The following SYN3 variants were observed in gnomAD, a reference collection of about 807,000 sequenced individuals.
SYN3 encodes the protein synapsin III, also known as synapsin-3.
A neutral mutation model predicts 65.8 loss-of-function variants in SYN3; 35 were observed. That is an observed-to-expected ratio of 0.53 (90% CI 0.41 to 0.70). The LOEUF (loss-of-function observed/expected upper bound fraction) is 0.70. Ranked by LOEUF, SYN3 falls within the 30% of genes least tolerant of loss-of-function variation. The probability of loss-of-function intolerance (pLI) is 0.00; values close to 1 mark genes in which losing one functional copy is unlikely to be tolerated. For missense variants in SYN3, 680 were observed against 749.0 expected, an observed-to-expected ratio of 0.91 and a Z score of 1.08; for synonymous variants, 270 against 292.9, an observed-to-expected ratio of 0.92 and a Z score of 0.80.
intron 6 of SYN3, among the ~76,000 whole-genome samples, chr22:32,649,116 T>A (rs964360679): frequency 2.0e-5 from 3 of 152,228 alleles, no homozygotes; most frequent in African/African-American, 7.2e-5. Flanking sequence ...ACTTCCCCTA[T>A]CCCTAATTCT....
At chr22:32,753,230 G>A (rs1299958329) in intron 6 of SYN3, among the ~76,000 whole-genome samples, 1 of 152,152 alleles carries the variant, frequency 6.6e-6, no homozygotes, top group East Asian at 1.9e-4. Context: ...AAGGTCAAAG[G>A]TCACGGGTCC....
At chr22:32,792,072 A>C (rs2046335032) in intron 6 of SYN3, among the ~76,000 whole-genome samples, 1 of 152,138 alleles carries the variant, frequency 6.6e-6, no homozygotes, top group South Asian at 2.1e-4. Context: ...CCTCAGTGAG[A>C]ATTTACTATG....
intron 6 of SYN3, among the ~76,000 whole-genome samples, chr22:32,698,106 TG>T (rs1181054493): frequency 6.6e-6 from 1 of 152,190 alleles, no homozygotes; most frequent in Non-Finnish European, 1.5e-5. Context: ...TGTAGAGGTT[TG>T]GGGGTTGTTG....
At chr22:32,923,619 T>C (rs2146650014) in intron 4 of SYN3, among the ~76,000 whole-genome samples, 1 of 152,366 alleles carries the variant, frequency 6.6e-6, no homozygotes, top group South Asian at 2.1e-4. Flanking sequence ...ATTCCTATTT[T>C]GGGAGACCAT....
intron 6 of SYN3, chr22:32,859,160 T>A (rs1340521201): frequency 6.2e-7 from 1 of 1,614,152 alleles, no homozygotes; most frequent in Non-Finnish European, 8.5e-7. Flanking sequence ...CATCAACTGC[T>A]GCCTGTTATC....
intron 3 of SYN3, among the ~76,000 whole-genome samples, chr22:32,957,197 G>A (rs1195753428): frequency 2.0e-5 from 3 of 152,162 alleles, no homozygotes; most frequent in Admixed American, 1.3e-4. Context: ...AGAAGCACGA[G>A]GGCTCCAAGA....
chr22:32,973,837 G>T (rs1048028072), intron 3 of SYN3, among the ~76,000 whole-genome samples: 1 of 152,122 alleles, frequency 6.6e-6, no homozygotes, highest in Non-Finnish European at 1.5e-5. Context: ...TGCTCTTGTC[G>T]CACCCAGGCT....
chr22:32,572,977 A>G (rs1167964751), intron 7 of SYN3, among the ~76,000 whole-genome samples: 2 of 152,250 alleles, frequency 1.3e-5, no homozygotes, highest in African/African-American at 4.8e-5. Context: ...GGTGTCCCGG[A>G]GCTGGCTCAG....
chr22:32,786,486 C>T (rs1429998089), intron 6 of SYN3, among the ~76,000 whole-genome samples: 3 of 152,066 alleles, frequency 2.0e-5, no homozygotes, highest in African/African-American at 7.2e-5. Context: ...CCCCAGCCTC[C>T]CAAGTAGCTG....
chr22:32,978,436 A>G (rs930892285), intron 3 of SYN3, among the ~76,000 whole-genome samples: 8 of 152,060 alleles, frequency 5.3e-5, no homozygotes, highest in South Asian at 2.1e-4. Context: ...GATGTGTCCT[A>G]TTTTGGAGAA....
intron 6 of SYN3, among the ~76,000 whole-genome samples, chr22:32,785,440 CCTT>C (rs1264895689): frequency 6.6e-6 from 1 of 152,152 alleles, no homozygotes; most frequent in Admixed American, 6.5e-5. Flanking sequence ...ACCTCAGTCT[CCTT>C]CTCTGTAAGA....
In SYN3 at chr22:32,859,512, G is replaced by A. The variant is rs1054464833; in HGVS notation, c.711+5403C>T. On this transcript the variant is annotated intron_variant, in intron 6 of 13. Coordinates refer to ENST00000358763, the MANE Select transcript of SYN3 (RefSeq NM_003490.4). The stretch of plus-strand genomic sequence containing the variant: ...TTAGCACTTGGAACATTTAAAGAAA[G>A]GTCTATGCTGTCATATGGGGTTTAT... 35 of 1,141,864 alleles carry A rather than the reference G, an allele frequency of 3.1e-5. No individual in the cohort carries two copies. The East Asian group carries it at 3.8e-4, about 13-fold the overall frequency. 70.7% of individuals were successfully genotyped at this position (1,141,864 alleles called of 1,614,324 possible).
rs78237338 is a variant in SYN3, at chr22:33,022,170, T to G, written c.-162-15346A>C. 3.9e-3 allele frequency among the ~76,000 whole-genome samples: 594 copies of G among 152,300 alleles called. 6 individuals carry two copies. Among genetic ancestry groups the G allele is most frequent in the African/African-American group, 0.014 (571 of 41,552 alleles). On this transcript the variant is annotated intron_variant, in intron 1 of 13. Coordinates refer to ENST00000358763, the MANE Select transcript of SYN3 (RefSeq NM_003490.4). Reference sequence around the variant, plus strand: ...TCCACTCGATGAGGGCTAAAACAATTTTTTTCCTTCCCTATTAGGAATCAG... The same window carrying G: ...TCCACTCGATGAGGGCTAAAACAATGTTTTTCCTTCCCTATTAGGAATCAG...
At chr22:32,721,692 A>G (rs2061120780) in intron 6 of SYN3, among the ~76,000 whole-genome samples, 1 of 152,240 alleles carries the variant, frequency 6.6e-6, no homozygotes, top group Admixed American at 6.5e-5. Context: ...TAGCTGTGAA[A>G]ACATGCACTT....
At chr22:32,664,584 CTTTTTTTTTTTTTTTT>C (rs71320943) in intron 6 of SYN3, among the ~76,000 whole-genome samples, 1 of 69,052 alleles carries the variant, frequency 1.4e-5, no homozygotes, top group Non-Finnish European at 2.6e-5. Flanking sequence ...CAATTGGTCG[CTTTTTTTTTTTTTTTT>C]TTTTTTTTTT....
intron 1 of SYN3, among the ~76,000 whole-genome samples, chr22:33,021,176 G>C (rs1307487413): frequency 1.3e-5 from 2 of 152,150 alleles, no homozygotes; most frequent in Non-Finnish European, 2.9e-5. Context: ...TCTGCCTCTT[G>C]CAGCTCAGTG....
At chr22:32,832,672 A>G (rs1234391056) in intron 6 of SYN3, among the ~76,000 whole-genome samples, 1 of 149,810 alleles carries the variant, frequency 6.7e-6, no homozygotes, top group African/African-American at 2.5e-5. Flanking sequence ...AAAACCCTCG[A>G]GTATTTTATT....
rs564102845 is a variant in SYN3, at chr22:32,532,276, A to G, written c.1095+1517T>C. Among the ~76,000 whole-genome samples, 3 of 152,420 alleles carry G rather than the reference A, an allele frequency of 2.0e-5. No individual in the cohort carries two copies. The South Asian group carries it at 6.2e-4, about 32-fold the overall frequency. On this transcript the variant is annotated intron_variant, in intron 10 of 13. Transcript: ENST00000358763. The stretch of plus-strand genomic sequence containing the variant: ...GGTCCCCGTGAGGGGATGCAGAGGC[A>G]GGAGGACCTGGTGGGGTCTCAGGAG...
chr22:32,993,359 GTTTT>G (rs1048453864), intron 2 of SYN3, among the ~76,000 whole-genome samples: 5 of 152,212 alleles, frequency 3.3e-5, no homozygotes, highest in African/African-American at 1.2e-4. Context: ...TTGTTTGTTT[GTTTT>G]GTTTTGTTTT....
Sources: gnomAD v4.1 joint callset for allele counts (sites outside exome capture counted in the v4.1 genomes callset) on GRCh38, gnomAD v4.1.1 for gene constraint, MANE v1.5 for transcripts, NCBI Gene and HGNC (gene_info 2026-07-23, HGNC 2026-07-21) for gene names.